Variants in OXR1 observed in about 807,000 individuals in gnomAD.
The protein encoded by OXR1 is oxidation resistance protein 1.
A neutral mutation model predicts 104.6 loss-of-function variants in OXR1; 41 were observed. The observed-to-expected ratio is 0.39, with a 90% CI of 0.31 to 0.51. The LOEUF (loss-of-function observed/expected upper bound fraction) is 0.51. Among genes scored for constraint, OXR1 ranks in the 20% least tolerant of loss-of-function variants. OXR1 has a pLI of 0.77. For missense variants in OXR1, 955 were observed against 1,031.9 expected, an observed-to-expected ratio of 0.93 and a Z score of 1.02; for synonymous variants, 348 against 348.4, an observed-to-expected ratio of 1.00 and a Z score of 0.01.
chr8:106,509,787 C>T lies in OXR1; in HGVS notation c.24-9156C>T, dbSNP rs549342199. ...CTCCAACAAACATTCTTTATTTTTT[C>T]TTTAATCAGAGTCTCGCTCTGTCGC... On this transcript the variant is annotated intron_variant, in intron 2 of 16. Transcript: ENST00000517566. Among the ~76,000 whole-genome samples, 209 of 152,136 alleles carry T rather than the reference C, an allele frequency of 1.4e-3. 1 individual carries two copies. The highest frequency in any genetic ancestry group is 2.4e-3 in the Admixed American group (36 of 15,278).
intron 1 of OXR1, among the ~76,000 whole-genome samples, chr8:106,339,526 ATATATATATATATATATAT>A (rs1815141752): frequency 4.5e-5 from 1 of 22,446 alleles, no homozygotes; most frequent in Non-Finnish European, 7.5e-5. Context: ...AAAAATATAT[ATATATATATATATATATAT>A]ATATATATAT....
chr8:106,275,280 A>G (rs2130473795), intron 1 of OXR1, among the ~76,000 whole-genome samples: 1 of 152,292 alleles, frequency 6.6e-6, no homozygotes. Flanking sequence ...TCCTTAGCAA[A>G]TGATTATTGA....
intron 3 of OXR1, among the ~76,000 whole-genome samples, chr8:106,584,513 T>C (rs1818485225): frequency 6.6e-6 from 1 of 152,066 alleles, no homozygotes; most frequent in Admixed American, 6.6e-5. Flanking sequence ...GAGGGAGACA[T>C]ATTCATTCAA....
rs575056271 is a variant in OXR1, at chr8:106,433,916, G to T, written c.23+74280G>T. Reference sequence around the variant, plus strand: ...TAGATGTATAACAGAATAAGAATTTGGTTTCTTTCACTTAACAATTACATT... The same window carrying T: ...TAGATGTATAACAGAATAAGAATTTTGTTTCTTTCACTTAACAATTACATT... On this transcript the variant is annotated intron_variant, in intron 2 of 16. Transcript: ENST00000517566. Among the ~76,000 whole-genome samples, 48 of 152,082 alleles carry T rather than the reference G, an allele frequency of 3.2e-4. 1 individual carries two copies. The highest frequency in any genetic ancestry group is 1.1e-3 in the African/African-American group (46 of 41,488).
intron 2 of OXR1, among the ~76,000 whole-genome samples, chr8:106,452,352 T>C (rs1820359809): frequency 6.6e-6 from 1 of 152,188 alleles, no homozygotes; most frequent in African/African-American, 2.4e-5. Context: ...CAAACCAAAA[T>C]GTTTGTTAAA....
chr8:106,296,767 G>A (rs1813015220), intron 1 of OXR1, among the ~76,000 whole-genome samples: 1 of 152,156 alleles, frequency 6.6e-6, no homozygotes, highest in Non-Finnish European at 1.5e-5. Context: ...CAAAGGCTGA[G>A]GCAGGTTTAA....
At chr8:106,730,255 A>G (rs935163200) in intron 11 of OXR1, among the ~76,000 whole-genome samples, 1 of 152,268 alleles carries the variant, frequency 6.6e-6, no homozygotes, top group East Asian at 1.9e-4. Context: ...TGCAGAGTCT[A>G]TAGTTTACAT....
At chr8:106,358,832 C>T (rs923546114) in intron 1 of OXR1, among the ~76,000 whole-genome samples, 1 of 151,082 alleles carries the variant, frequency 6.6e-6, no homozygotes, top group African/African-American at 2.4e-5. Flanking sequence ...TAATTTAATT[C>T]ACTAAATAAT....
chr8:106,332,595 A>C (rs928829993), intron 1 of OXR1, among the ~76,000 whole-genome samples: 1 of 152,138 alleles, frequency 6.6e-6, no homozygotes, highest in African/African-American at 2.4e-5. Flanking sequence ...TTCTTTTAAA[A>C]AATTTGAAAT....
intron 3 of OXR1, chr8:106,657,796 C>T (rs1184593828): frequency 8.2e-6 from 10 of 1,217,056 alleles, no homozygotes; most frequent in African/African-American, 4.7e-5. Flanking sequence ...TCCCCCGACG[C>T]GTGGTTTCCT....
At chr8:106,279,929 G>A (rs558578547) in intron 1 of OXR1, among the ~76,000 whole-genome samples, 21 of 152,278 alleles carry the variant, frequency 1.4e-4, no homozygotes, top group African/African-American at 5.1e-4. Context: ...GTGCTGGAAT[G>A]GATCAGCTCT....
chr8:106,272,492 A>G (rs1811860885), intron 1 of OXR1: 1 of 152,222 alleles, frequency 6.6e-6, no homozygotes, highest in Non-Finnish European at 1.5e-5. Flanking sequence ...ATAGTTCAGG[A>G]CATCAAATTG....
At chr8:106,590,874 C>G (rs778770217) in intron 3 of OXR1, among the ~76,000 whole-genome samples, 1 of 152,112 alleles carries the variant, frequency 6.6e-6, no homozygotes, top group Non-Finnish European at 1.5e-5. Flanking sequence ...GTGTTCACCC[C>G]GATAGCCAGG....
rs1431235063 is a variant in OXR1 at position 106,536,340 on chromosome 8, C to T, written c.220+17201C>T. On this transcript the variant is annotated intron_variant, in intron 3 of 16. Transcript: ENST00000517566. Reference sequence around the variant, plus strand: ...CCTGACCAAATGATGTGGCTGTGCTCTGTATGGTTCCCACCAATGTACAAA... The same window carrying T: ...CCTGACCAAATGATGTGGCTGTGCTTTGTATGGTTCCCACCAATGTACAAA... Among the ~76,000 whole-genome samples, 4 of 152,270 alleles carry T rather than the reference C, an allele frequency of 2.6e-5. No individual in the cohort carries two copies. In the East Asian group the frequency reaches 7.7e-4, roughly 29 times the overall value.
At chr8:106,442,538 C>T (rs1260479773) in intron 2 of OXR1, among the ~76,000 whole-genome samples, 1 of 152,094 alleles carries the variant, frequency 6.6e-6, no homozygotes, top group Non-Finnish European at 1.5e-5. Flanking sequence ...GTGAATCCGT[C>T]TGGTCCTGGG....
chr8:106,694,213 T>C (rs1002053649), intron 7 of OXR1, among the ~76,000 whole-genome samples: 1 of 151,542 alleles, frequency 6.6e-6, no homozygotes, highest in Non-Finnish European at 1.5e-5. Flanking sequence ...AGAGACACAT[T>C]ATATTTGTGT....
chr8:106,587,494 A>G (rs1818720481), intron 3 of OXR1, among the ~76,000 whole-genome samples: 1 of 152,250 alleles, frequency 6.6e-6, no homozygotes, highest in Non-Finnish European at 1.5e-5. Flanking sequence ...GCTTATCATT[A>G]TGACAGAGTT....
chr8:106,541,358 G>A (rs951621242), intron 3 of OXR1, among the ~76,000 whole-genome samples: 2 of 152,158 alleles, frequency 1.3e-5, no homozygotes, highest in African/African-American at 4.8e-5. Flanking sequence ...AAATTTGTGA[G>A]GACCTGACAC....
chr8:106,316,333 A>G (rs2130156847), intron 1 of OXR1, among the ~76,000 whole-genome samples: 2 of 152,328 alleles, frequency 1.3e-5, no homozygotes, highest in Middle Eastern at 6.8e-3. Context: ...CAGGAAGAGC[A>G]GTCTGAAGAA....
Sources: gnomAD v4.1 joint callset for allele counts (sites outside exome capture counted in the v4.1 genomes callset) on GRCh38, gnomAD v4.1.1 for gene constraint, MANE v1.5 for transcripts, NCBI Gene and HGNC (gene_info 2026-07-23, HGNC 2026-07-21) for gene names.